IL1RAPL1: variants seen among roughly 807,000 people sequenced by gnomAD.
IL1RAPL1 encodes the protein interleukin 1 receptor accessory protein like 1.
A neutral mutation model predicts 48.4 loss-of-function variants in IL1RAPL1; 3 were observed. That is an observed-to-expected ratio of 0.06 (90% confidence interval 0.03 to 0.16). The LOEUF (loss-of-function observed/expected upper bound fraction) is 0.16. Among genes scored for constraint, IL1RAPL1 ranks in the 10% least tolerant of loss-of-function variants. IL1RAPL1 has a pLI of 1.00. For synonymous variants in IL1RAPL1, 185 were observed against 187.7 expected (o/e 0.99, Z 0.12); for missense variants, 349 against 530.6 (o/e 0.66, Z 3.36).
chrX:29,444,517 G>C (rs1376789042), intron 5 of IL1RAPL1, among the ~76,000 whole-genome samples: 2 of 109,737 alleles, frequency 1.8e-5, no homozygotes, highest in Admixed American at 9.8e-5. Context: ...GACCATCCTG[G>C]ACAACAGAAA....
intron 2 of IL1RAPL1, among the ~76,000 whole-genome samples, chrX:29,014,695 A>G (rs920508851): frequency 8.9e-6 from 1 of 112,045 alleles, no homozygotes; most frequent in Admixed American, 9.5e-5. Flanking sequence ...CTTTGGTAGG[A>G]TGTTTTAACA....
At chrX:29,647,332 A>T (rs1925363353) in intron 5 of IL1RAPL1, among the ~76,000 whole-genome samples, 1 of 98,866 alleles carries the variant, frequency 1.0e-5, no homozygotes, top group Non-Finnish European at 2.0e-5. Context: ...CTGGTGACAG[A>T]GTGAGACTCT....
chrX:29,068,909 A>G (rs748288637), intron 2 of IL1RAPL1, among the ~76,000 whole-genome samples: 1 of 112,153 alleles, frequency 8.9e-6, no homozygotes, highest in African/African-American at 3.2e-5. Context: ...CATGGTGCTT[A>G]TATTTCCATT....
At chrX:29,697,000 T>C (rs1334333428) in intron 6 of IL1RAPL1, among the ~76,000 whole-genome samples, 1 of 112,008 alleles carries the variant, frequency 8.9e-6, no homozygotes, top group Non-Finnish European at 1.9e-5. Flanking sequence ...TAAAGACTTA[T>C]AGAGAGTTAT....
At chrX:29,921,102 G>C (rs1932845133) in intron 8 of IL1RAPL1, among the ~76,000 whole-genome samples, 1 of 111,974 alleles carries the variant, frequency 8.9e-6, no homozygotes, top group Non-Finnish European at 1.9e-5. Context: ...TTTTGCATAG[G>C]GTTAAGTGCA....
At chrX:29,399,102 C>G in intron 4 of IL1RAPL1, 53 bp from the exon 5 acceptor site, 1 of 980,311 alleles carries the variant, frequency 1.0e-6, no homozygotes, top group Non-Finnish European at 1.4e-6. Context: ...TAAAACTGTT[C>G]TATATTTTTC....
rs185343596 is a variant in IL1RAPL1, at chrX:28,617,231, T to C, written c.-25+29184T>C. 1.7e-3 allele frequency among the ~76,000 whole-genome samples: 190 copies of C among 111,586 alleles called. 1 individual carries two copies. Among genetic ancestry groups the C allele is most frequent in the African/African-American group, 5.9e-3 (181 of 30,762 alleles). ...TGTAGTCTCCTATTATAAAATCTTA[T>C]GTGGATTTGGGAGTAAGCCCCTTAC... On this transcript the variant is annotated intron_variant, in intron 1 of 10. Coordinates refer to ENST00000378993, the MANE Select transcript of IL1RAPL1 (RefSeq NM_014271.4).
intron 6 of IL1RAPL1, among the ~76,000 whole-genome samples, chrX:29,799,123 G>A (rs1281811154): frequency 8.9e-6 from 1 of 112,222 alleles, no homozygotes; most frequent in South Asian, 3.7e-4. Context: ...ATAAGATAAT[G>A]TTTTATTTTG....
At chrX:29,807,802 T>C (rs145910338) in intron 6 of IL1RAPL1, among the ~76,000 whole-genome samples, 4,268 of 110,875 alleles carry the variant, frequency 0.038, 200 homozygotes, top group African/African-American at 0.13. Flanking sequence ...TTCTGATACA[T>C]GAATTCTTCA....
chrX:29,104,898 T>C (rs1928418596), intron 2 of IL1RAPL1, among the ~76,000 whole-genome samples: 1 of 112,052 alleles, frequency 8.9e-6, no homozygotes, highest in Non-Finnish European at 1.9e-5. Flanking sequence ...ACAGAATGGC[T>C]GCAGTAAGCT....
chrX:29,913,763 T>C (rs1932777743), intron 6 of IL1RAPL1, among the ~76,000 whole-genome samples: 1 of 109,811 alleles, frequency 9.1e-6, no homozygotes, highest in African/African-American at 3.4e-5. Flanking sequence ...GTCTCCTATT[T>C]GAAATCTTCC....
chrX:29,825,315 C>T (rs1364346586), intron 6 of IL1RAPL1, among the ~76,000 whole-genome samples: 1 of 110,894 alleles, frequency 9.0e-6, no homozygotes, highest in Admixed American at 9.6e-5. Context: ...TCTTCCCTGC[C>T]CATCTTATTT....
At chrX:29,705,325 GT>G (rs1927163717) in intron 6 of IL1RAPL1, among the ~76,000 whole-genome samples, 1 of 111,050 alleles carries the variant, frequency 9.0e-6, no homozygotes, top group African/African-American at 3.3e-5. Flanking sequence ...AGTGATTCTC[GT>G]TCCTCAGCCT....
intron 8 of IL1RAPL1, among the ~76,000 whole-genome samples, chrX:29,940,937 C>T (rs776060372): frequency 9.0e-6 from 1 of 110,753 alleles, no homozygotes; most frequent in South Asian, 3.7e-4. Flanking sequence ...CACTAGGAGG[C>T]CTACTTCTTA....
At chrX:28,957,106 A>G (rs1296303205) in intron 2 of IL1RAPL1, among the ~76,000 whole-genome samples, 1 of 110,472 alleles carries the variant, frequency 9.1e-6, no homozygotes, top group South Asian at 3.8e-4. Flanking sequence ...ATCGGTGGTG[A>G]TATCCCCTTT....
chrX:29,927,290 A>G (rs942672054), intron 8 of IL1RAPL1, among the ~76,000 whole-genome samples: 2 of 112,328 alleles, frequency 1.8e-5, no homozygotes, highest in Non-Finnish European at 3.8e-5. Context: ...TCTAATAGGT[A>G]AAGAGAAACT....
At chrX:28,969,910 T>TATATATGTTTCTAAACAC (rs1925020253) in intron 2 of IL1RAPL1, among the ~76,000 whole-genome samples, 1 of 109,154 alleles carries the variant, frequency 9.2e-6, no homozygotes, top group Non-Finnish European at 1.9e-5. Flanking sequence ...TAAACACACA[T>TATATATGTTTCTAAACAC]ATATATGTTT....
chrX:29,680,925 A>G (rs1431140121), intron 6 of IL1RAPL1, among the ~76,000 whole-genome samples: 2 of 111,880 alleles, frequency 1.8e-5, no homozygotes, highest in African/African-American at 3.3e-5. Flanking sequence ...CCAGCCTTAA[A>G]CCTAAACCAA....
chrX:29,886,445 G>C (rs1459002339), intron 6 of IL1RAPL1, among the ~76,000 whole-genome samples: 1 of 112,094 alleles, frequency 8.9e-6, no homozygotes. Flanking sequence ...AAGATGAGTA[G>C]AGGGCAAAAA....
Sources: allele counts gnomAD v4.1 joint callset (sites outside exome capture counted in the v4.1 genomes callset), GRCh38; gene constraint gnomAD v4.1.1; transcripts MANE v1.5; gene names NCBI Gene and HGNC (gene_info 2026-07-23, HGNC 2026-07-21).